COPS2: variants seen among roughly 807,000 people sequenced by gnomAD.
COPS2 encodes the protein COP9 signalosome subunit 2.
Under a neutral mutation model 66.1 loss-of-function variants are expected in COPS2, and 10 were observed. The ratio of observed to expected loss-of-function variants is 0.15; its 90% CI spans 0.09 to 0.26. The LOEUF is 0.26. Among genes scored for constraint, COPS2 ranks in the 10% least tolerant of loss-of-function variants. The pLI is 1.00. For synonymous variants in COPS2, 179 were observed against 171.3 expected (o/e 1.04, Z -0.35); for missense variants, 215 against 513.3 (o/e 0.42, Z 5.62).
chr15:49,130,670 T>C (rs1214640972), intron 10 of COPS2, 49 bp downstream of exon 10: 2 of 1,129,926 alleles, frequency 1.8e-6, no homozygotes, highest in African/African-American at 3.1e-5. Context: ...GGCATTTCTT[T>C]GACAGTGGCA....
rs191856216 is a variant in COPS2, at chr15:49,127,623, G to A, written c.*327C>T. 67 of 203,924 alleles carry A rather than the reference G, an allele frequency of 3.3e-4. 1 individual carries two copies. In the South Asian group the frequency reaches 9.8e-3, roughly 30 times the overall value. The allele number at this position is 203,924 out of a possible 1,614,324, so 12.6% of individuals were successfully genotyped here. The stretch of plus-strand genomic sequence containing the variant: ...ATGTTTAAATTTAACCAACAGTAGC[G>A]TGTCAGTGTATTTAAAATCATGACA... On this transcript the variant is annotated 3_prime_UTR_variant, in exon 13 of 13. Coordinates refer to ENST00000388901, the MANE Select transcript of COPS2 (RefSeq NM_004236.4).
In COPS2 at chr15:49,123,507, T is replaced by C. The variant is rs2084140410; in HGVS notation, c.*4443A>G. Reference sequence around the variant, plus strand: ...AAACTGGAAAATTACTGTGATAAACTGGTGATGAATTTTGTACTCCCACAA... The same window carrying C: ...AAACTGGAAAATTACTGTGATAAACCGGTGATGAATTTTGTACTCCCACAA... On this transcript the variant is annotated 3_prime_UTR_variant, in exon 13 of 13. Coordinates refer to ENST00000388901, the MANE Select transcript of COPS2 (RefSeq NM_004236.4). 1 of 152,158 alleles carries C rather than the reference T, an allele frequency of 6.6e-6. No homozygotes were observed. 9.4% of individuals were successfully genotyped at this position (152,158 alleles called of 1,614,324 possible). A position where few individuals can be genotyped will look rare whatever the true frequency, so the allele number is the denominator to read the frequency against.
intron 1 of COPS2, among the ~76,000 whole-genome samples, chr15:49,154,443 T>C (rs2084393916): frequency 6.6e-6 from 1 of 152,166 alleles, no homozygotes; most frequent in East Asian, 1.9e-4. Context: ...TATTTTAAAA[T>C]GCAAAAAACT....
At position 49,155,552 on chromosome 15, in the gene COPS2, C is replaced by A; in HGVS notation, c.27G>T (p.Met9Ile). Residue 9 changes from methionine (M) to isoleucine (I), a missense_variant, in exon 1 of 13, where the codon ATG (methionine) becomes ATT (isoleucine). This residue lies in a region of COPS2 where 27 missense variants were observed against 21.5 expected (regional missense o/e 1.25). Transcript: ENST00000388901. ...GGTCGTAGTCCTCCTCATCATCGCA[C>A]ATGAAATCATCCTCCATGTCAGACA... MSDMEDDF[M>I]CDDEEDYDLE... is the part of the protein sequence containing the mutation. 6 of 1,614,238 alleles carry A rather than the reference C, an allele frequency of 3.7e-6. No individual in the cohort carries two copies. The highest frequency in any genetic ancestry group is 5.1e-6 in the Non-Finnish European group (6 of 1,180,034).
At chr15:49,138,765 A>G (rs1264849283) in intron 4 of COPS2, among the ~76,000 whole-genome samples, 1 of 152,186 alleles carries the variant, frequency 6.6e-6, no homozygotes, top group Non-Finnish European at 1.5e-5. Context: ...TGATCTGAAC[A>G]TTCTTTGATT....
At position 49,129,550 on chromosome 15, in the gene COPS2, C is replaced by T. The variant is rs959577363; in HGVS notation, c.1055G>A (p.Arg352Gln). The change falls in exon 11 of 13, where the codon CGA becomes CAA. Residue 352 changes from arginine to glutamine, a missense_variant. Physicochemically the swap from Arg to Gln is conservative, Grantham distance 43. This residue lies in a region of COPS2 where 56 missense variants were observed against 173.6 expected (regional missense o/e 0.32). Transcript: ENST00000388901. Reference sequence around the variant, plus strand: ...TATAAGCACTTGTGTTCTGATGTTTCGCAAAAGCTCTGAAAGACAAAAAAT... The same window carrying T: ...TATAAGCACTTGTGTTCTGATGTTTTGCAAAAGCTCTGAAAGACAAAAAAT... Reference protein sequence around the residue: ...FIREHIEELLRNIRTQVLIKL... With the variant: ...FIREHIEELLQNIRTQVLIKL... The T allele has an allele frequency of 3.3e-6, 5 of 1,495,164 alleles. No homozygotes were observed. Among genetic ancestry groups the T allele is most frequent in the Non-Finnish European group, 3.6e-6 (4 of 1,117,194 alleles). 92.6% of individuals were successfully genotyped at this position (1,495,164 alleles called of 1,614,324 possible).
At position 49,123,796 on chromosome 15, in the gene COPS2, A is replaced by C; in HGVS notation, c.*4154T>G. On this transcript the variant is annotated 3_prime_UTR_variant, in exon 13 of 13. Transcript: ENST00000388901. ...TTATACGTGACAGTAAAAAAGTAAA[A>C]TTTTAGAGAACCACACACTGGTTTC... 1 of 152,218 alleles carries C rather than the reference A, an allele frequency of 6.6e-6. No individual in the cohort carries two copies. Among genetic ancestry groups the C allele is most frequent in the South Asian group, 2.1e-4 (1 of 4,838 alleles). The allele number at this position is 152,218 out of a possible 1,614,324, so 9.4% of individuals were successfully genotyped here.
Position 49,155,548 on chromosome 15 carries a change from C to G in COPS2, c.31G>C (p.Asp11His). 1 of 1,614,240 alleles carries G rather than the reference C, an allele frequency of 6.2e-7. No homozygotes were observed. The highest frequency in any genetic ancestry group is 8.5e-7 in the Non-Finnish European group (1 of 1,180,042). ...ACCAGGTCGTAGTCCTCCTCATCAT[C>G]GCACATGAAATCATCCTCCATGTCA... MSDMEDDFMC[D>H]DEEDYDLEYS... Residue 11 changes from aspartate (D) to histidine (H), a missense_variant, in exon 1 of 13, where the codon GAT becomes CAT. Around this residue, in one of 5 missense-constraint regions of COPS2, gnomAD observed 27 missense variants for 21.5 expected, o/e 1.25. Coordinates refer to ENST00000388901, the MANE Select transcript of COPS2 (RefSeq NM_004236.4).
chr15:49,154,684 T>C (rs548803831), intron 1 of COPS2, among the ~76,000 whole-genome samples: 2 of 152,354 alleles, frequency 1.3e-5, no homozygotes, highest in East Asian at 1.9e-4. Flanking sequence ...CACGATGTTT[T>C]TGAATAGCAA....
At chr15:49,133,529 A>G (rs1353909064) in intron 9 of COPS2, among the ~76,000 whole-genome samples, 2 of 148,550 alleles carry the variant, frequency 1.3e-5, no homozygotes, top group Non-Finnish European at 3.0e-5. Flanking sequence ...GCAGACAGAC[A>G]GACACACACA....
At chr15:49,128,207 T>A in intron 12 of COPS2, 113 bp from the exon 13 acceptor site, 1 of 935,568 alleles carries the variant, frequency 1.1e-6, no homozygotes, top group Non-Finnish European at 1.6e-6. Context: ...AGCAGCTGCC[T>A]ACATTAAATG....
intron 6 of COPS2, among the ~76,000 whole-genome samples, chr15:49,135,710 C>T (rs1253256090): frequency 1.3e-5 from 2 of 152,170 alleles, no homozygotes; most frequent in Non-Finnish European, 2.9e-5. Context: ...GGTCTTCAAA[C>T]TTAAAATTCT....
intron 3 of COPS2, among the ~76,000 whole-genome samples, chr15:49,141,246 A>T (rs1448091299): frequency 6.6e-6 from 1 of 152,210 alleles, no homozygotes; most frequent in African/African-American, 2.4e-5. Flanking sequence ...TCACTCCTGT[A>T]ATCCCAGCCC....
intron 4 of COPS2, among the ~76,000 whole-genome samples, chr15:49,138,865 A>G (rs1269347446): frequency 1.3e-5 from 2 of 152,226 alleles, no homozygotes; most frequent in African/African-American, 4.8e-5. Context: ...TAAGAGGACG[A>G]AAAACTAAAA....
At chr15:49,140,999 A>G (rs2141129049) in intron 3 of COPS2, among the ~76,000 whole-genome samples, 1 of 152,294 alleles carries the variant, frequency 6.6e-6, no homozygotes, top group East Asian at 1.9e-4. Context: ...CAAAAAAAAA[A>G]AAAGGATAGA....
intron 12 of COPS2, 139 bp downstream of exon 12, chr15:49,128,563 A>G (rs1357569654): frequency 5.2e-6 from 3 of 577,618 alleles, no homozygotes; most frequent in African/African-American, 3.8e-5. Flanking sequence ...TCACACATAC[A>G]TATATATCTC....
intron 1 of COPS2, among the ~76,000 whole-genome samples, chr15:49,151,805 CTTT>C (rs1279298178): frequency 7.5e-6 from 1 of 132,594 alleles, no homozygotes. Context: ...ATATTCGTTT[CTTT>C]TTTTTTTTTT....
At chr15:49,132,364 T>C (rs906855789) in intron 9 of COPS2, among the ~76,000 whole-genome samples, 1 of 151,778 alleles carries the variant, frequency 6.6e-6, no homozygotes, top group African/African-American at 2.4e-5. Flanking sequence ...CTTTTTTTTT[T>C]ACAGCCAAAA....
At chr15:49,148,275 C>G (rs570699147) in intron 1 of COPS2, among the ~76,000 whole-genome samples, 24 of 152,024 alleles carry the variant, frequency 1.6e-4, no homozygotes, top group African/African-American at 5.8e-4. Context: ...TATTAAGGAA[C>G]AGATATGCAA....
Sources: allele counts gnomAD v4.1 joint callset (sites outside exome capture counted in the v4.1 genomes callset), GRCh38; gene constraint gnomAD v4.1.1; regional missense constraint gnomAD v4.1.1; transcripts MANE v1.5; gene names NCBI Gene and HGNC (gene_info 2026-07-23, HGNC 2026-07-21).